The following SQLE variants were observed in gnomAD, a reference collection of about 807,000 sequenced individuals.
SQLE encodes squalene monooxygenase.
Under a neutral mutation model 60.7 loss-of-function variants are expected in SQLE, and 29 were observed. That is an observed-to-expected ratio of 0.48 (90% CI 0.36 to 0.65). The LOEUF (loss-of-function observed/expected upper bound fraction) is 0.65. Among genes scored for constraint, SQLE ranks in the 30% least tolerant of loss-of-function variants. The probability of loss-of-function intolerance (pLI) is 0.00; values close to 1 mark genes in which losing one functional copy is unlikely to be tolerated. For missense variants in SQLE, 605 were observed against 684.1 expected (o/e 0.88, Z 1.29); for synonymous variants, 237 against 246.8 (o/e 0.96, Z 0.37).
chr8:125,017,219 G>T (rs2129906911), intron 7 of SQLE, among the ~76,000 whole-genome samples: 1 of 152,174 alleles, frequency 6.6e-6, no homozygotes, highest in South Asian at 2.1e-4. Flanking sequence ...GCTCCTGGGG[G>T]CCCAGGACTG....
intron 3 of SQLE, among the ~76,000 whole-genome samples, chr8:125,006,238 G>C (rs1195516489): frequency 2.0e-5 from 3 of 152,128 alleles, no homozygotes; most frequent in Non-Finnish European, 2.9e-5. Flanking sequence ...CTAAAGTATT[G>C]ACAAAGCAAG....
chr8:125,005,625 C>G lies in SQLE; in HGVS notation c.645C>G (p.Asn215Lys). ...EVQIPYPLSE[N>K]NQVQSGRAFH... Reference sequence around the variant, plus strand: ...AGATTCCTTACCCTCTGTCAGAAAACAATCAAGTGCAGAGTGGAAGAGCTT... The same window carrying G: ...AGATTCCTTACCCTCTGTCAGAAAAGAATCAAGTGCAGAGTGGAAGAGCTT... The change falls in exon 3 of 11, where the codon AAC becomes AAG. Residue 215 changes from asparagine (N) to lysine (K), a missense_variant. Asn to Lys is a moderately conservative substitution (Grantham distance 94). Transcript: ENST00000265896. 2 of 1,612,036 alleles carry G rather than the reference C, an allele frequency of 1.2e-6. No homozygotes were observed. The highest frequency in any genetic ancestry group is 1.3e-5 in the African/African-American group (1 of 74,984).
intron 7 of SQLE, among the ~76,000 whole-genome samples, chr8:125,014,840 A>G (rs941128310): frequency 2.0e-5 from 3 of 152,188 alleles, no homozygotes; most frequent in Non-Finnish European, 4.4e-5. Flanking sequence ...CCCATGATCT[A>G]TCCTTGTGAA....
chr8:125,000,841 A>C (rs1418268533), intron 1 of SQLE, among the ~76,000 whole-genome samples: 1 of 152,232 alleles, frequency 6.6e-6, no homozygotes, highest in Non-Finnish European at 1.5e-5. Flanking sequence ...GCTATCAGGC[A>C]AGAGACTATA....
rs371725816 is a variant in SQLE at position 125,007,475 on chromosome 8, T to C, written c.810T>C (p.Thr270=). 410 of 1,544,966 alleles carry C rather than the reference T, an allele frequency of 2.7e-4. No homozygotes were observed. The highest frequency in any genetic ancestry group is 3.4e-4 in the Non-Finnish European group (389 of 1,143,210). ...VMGVQYKDKE[T]GDIKELHAPL... ...GAGTTCAGTACAAGGATAAAGAGAC[T>C]GGAGATATCAAGGTGAGAAATACCA... The change falls in exon 4 of 11, where the codon ACT becomes ACC. Residue 270 remains threonine (T), a synonymous_variant. Coordinates refer to ENST00000265896, the MANE Select transcript of SQLE (RefSeq NM_003129.4).
intron 1 of SQLE, among the ~76,000 whole-genome samples, chr8:125,001,684 A>T (rs939622312): frequency 2.4e-4 from 36 of 152,202 alleles, no homozygotes; most frequent in East Asian, 1.5e-3. Flanking sequence ...TTAAAAAAAA[A>T]AAAAGAATAG....
At position 125,018,822 on chromosome 8, in the gene SQLE, A is replaced by G; in HGVS notation, c.1444+95A>G. On this transcript the variant is annotated intron_variant, in intron 9 of 10. Transcript: ENST00000265896. ...GTTAGTGATTTGTCCAGAAATAAAAATGTTACCTGAGTTTGCTAACTCCCA... is the reference window on the plus strand; with the variant it reads ...GTTAGTGATTTGTCCAGAAATAAAAGTGTTACCTGAGTTTGCTAACTCCCA... 4.7e-6 allele frequency: 4 copies of G among 842,844 alleles called. No homozygotes were observed. The South Asian group carries it at 6.9e-5, about 14-fold the overall frequency. The allele number at this position is 842,844 out of a possible 1,614,324, so 52.2% of individuals were successfully genotyped here. A position where few individuals can be genotyped will look rare whatever the true frequency, so the allele number is the denominator to read the frequency against.
Position 124,998,712 on chromosome 8 carries a change from C to A in SQLE, c.-692C>A. The A allele has an allele frequency of 1.7e-6, 1 of 598,780 alleles. No homozygotes were observed. Among genetic ancestry groups the A allele is most frequent in the Non-Finnish European group, 3.0e-6 (1 of 330,228 alleles). The allele number at this position is 598,780 out of a possible 1,614,324, so 37.1% of individuals were successfully genotyped here. On this transcript the variant is annotated 5_prime_UTR_variant, in exon 1 of 11. Coordinates refer to ENST00000265896, the MANE Select transcript of SQLE (RefSeq NM_003129.4). ...CGCGGTGGGCGGCTCTGGGGGCCAG[C>A]GAAACGGGAGGCCTCTAAATCTTTA...
chr8:125,012,795 A>T (rs911846476), intron 7 of SQLE, among the ~76,000 whole-genome samples: 6 of 152,246 alleles, frequency 3.9e-5, no homozygotes, highest in Non-Finnish European at 8.8e-5. Flanking sequence ...TTGCTGGATT[A>T]CATAGTAGTT....
intron 4 of SQLE, among the ~76,000 whole-genome samples, chr8:125,007,940 C>T (rs935823763): frequency 3.3e-5 from 5 of 152,120 alleles, no homozygotes; most frequent in Non-Finnish European, 1.5e-5. Flanking sequence ...CAGTAATATA[C>T]ATCAGCAGAG....
Position 124,999,136 on chromosome 8 carries a change from G to A in SQLE, c.-268G>A. ...ATATCTGGATTTCCTGGGCGAGGAG[G>A]AGCGAGTCTGCTCGGGAGCTGTTCC... On this transcript the variant is annotated 5_prime_UTR_variant, in exon 1 of 11. Transcript: ENST00000265896. 2.7e-6 allele frequency: 1 copy of A among 377,072 alleles called. No homozygotes were observed. Among genetic ancestry groups the A allele is most frequent in the Non-Finnish European group, 4.7e-6 (1 of 213,372 alleles). 23.4% of individuals were successfully genotyped at this position (377,072 alleles called of 1,614,324 possible). A position where few individuals can be genotyped will look rare whatever the true frequency, so the allele number is the denominator to read the frequency against.
chr8:125,018,036 A>G (rs1815137462), intron 7 of SQLE, 23 bp from the exon 8 acceptor site: 2 of 1,608,928 alleles, frequency 1.2e-6, no homozygotes. Context: ...CTAAAATAAA[A>G]TCTTCATTAC....
At chr8:125,000,028 T>C in intron 1 of SQLE, 1 of 491,842 alleles carries the variant, frequency 2.0e-6, no homozygotes, top group Non-Finnish European at 4.0e-6. Flanking sequence ...AGTTCTTGGG[T>C]AAGGATTGGA....
chr8:125,003,536 A>C, intron 2 of SQLE, 108 bp downstream of exon 2: 1 of 1,363,890 alleles, frequency 7.3e-7, no homozygotes, highest in African/African-American at 1.5e-5. Context: ...TTCATTTATA[A>C]AATTTTCTAT....
intron 6 of SQLE, among the ~76,000 whole-genome samples, chr8:125,009,550 C>T (rs1563597869): frequency 6.6e-6 from 1 of 152,144 alleles, no homozygotes; most frequent in Non-Finnish European, 1.5e-5. Context: ...AATCCCACCA[C>T]TTTGGGAGGC....
At chr8:125,017,750 G>A (rs1043958499) in intron 7 of SQLE, among the ~76,000 whole-genome samples, 1 of 152,110 alleles carries the variant, frequency 6.6e-6, no homozygotes, top group African/African-American at 2.4e-5. Flanking sequence ...CATATTTTAA[G>A]GAGGCCTTAC....
intron 7 of SQLE, among the ~76,000 whole-genome samples, chr8:125,017,406 G>T: frequency 6.6e-6 from 1 of 152,020 alleles, no homozygotes; most frequent in East Asian, 1.9e-4. Flanking sequence ...CAGTGCTCCA[G>T]GCCTGCAGTG....
rs926810409 is a variant in SQLE, at chr8:125,016,835, C to T, written c.1205-1224C>T. Among the ~76,000 whole-genome samples, 1 of 152,116 alleles carries T rather than the reference C, an allele frequency of 6.6e-6. No homozygotes were observed. The highest frequency in any genetic ancestry group is 1.5e-5 in the Non-Finnish European group (1 of 68,026). ...CAGCCGTATCTGTATTAAGGGGCAC[C>T]CCAAGTCCAGTAACATTGTGACCCT... On this transcript the variant is annotated intron_variant, in intron 7 of 10. Transcript: ENST00000265896. This position sits in a 1 kb window ranked among gnomAD's most constrained non-coding sequence, Gnocchi z 4.1.
chr8:125,014,094 T>G (rs1047608767), intron 7 of SQLE, among the ~76,000 whole-genome samples: 2 of 146,684 alleles, frequency 1.4e-5, no homozygotes, highest in Admixed American at 7.3e-5. Context: ...ACACTAAGAT[T>G]AATTATTCTG....
Sources: gnomAD v4.1 joint callset for allele counts (sites outside exome capture counted in the v4.1 genomes callset) on GRCh38, gnomAD v4.1.1 for gene constraint, Gnocchi (gnomAD v3.1) non-coding constraint, MANE v1.5 for transcripts, NCBI Gene and HGNC (gene_info 2026-07-23, HGNC 2026-07-21) for gene names.